Variants in DMTN observed in about 807,000 individuals in gnomAD.
The protein encoded by DMTN is dematin.
In DMTN, 27 loss-of-function variants were observed where a neutral mutation model predicts 59.4. The ratio of observed to expected loss-of-function variants is 0.45; its 90% confidence interval spans 0.33 to 0.63. The LOEUF (loss-of-function observed/expected upper bound fraction) is 0.63, where lower values mean the gene tolerates loss of function less well. Among genes scored for constraint, DMTN ranks in the 20% least tolerant of loss-of-function variants. The pLI, the probability that DMTN is intolerant of heterozygous loss-of-function variation, is 0.02. For missense variants in DMTN, 451 were observed against 528.9 expected (o/e 0.85, Z 1.45); for synonymous variants, 221 against 203.7 (o/e 1.08, Z -0.72).
In DMTN at chr8:22,058,592, C is replaced by T. The variant is rs886271215; in HGVS notation, c.-172+1456C>T. Among the ~76,000 whole-genome samples the T allele has an allele frequency of 1.3e-5, 2 of 152,110 alleles. No individual in the cohort carries two copies. Among genetic ancestry groups the T allele is most frequent in the African/African-American group, 4.8e-5 (2 of 41,394 alleles). The stretch of plus-strand genomic sequence containing the variant: ...AGAGAGGCAGGAGGGGGCACCTGGG[C>T]CCGGTTTTGTTGTTATTGAGAGAAC... On this transcript the variant is annotated intron_variant, in intron 1 of 15. Coordinates refer to ENST00000358242, the MANE Select transcript of DMTN (RefSeq NM_001387751.1). The surrounding 1 kb of genome is among the most constrained non-coding windows in gnomAD (Gnocchi z 4.3).
chr8:22,067,120 C>A lies in DMTN; in HGVS notation c.54C>A (p.Ser18=). ...CCTCCCCCGGGAGCGTGAGCCCCTC[C>A]CGAGATTCCAGTGTGCCTGGCTCTC... The part of the protein sequence containing the change: ...PLTSPGSVSP[S]RDSSVPGSPS... Residue 18 remains serine, a synonymous_variant, in exon 3 of 16, where the codon TCC becomes TCA. Coordinates refer to ENST00000358242, the MANE Select transcript of DMTN (RefSeq NM_001387751.1). 7 of 1,608,616 alleles carry A rather than the reference C, an allele frequency of 4.4e-6. No homozygotes were observed. Among genetic ancestry groups the A allele is most frequent in the Non-Finnish European group, 5.1e-6 (6 of 1,177,898 alleles).
intron 10 of DMTN, among the ~76,000 whole-genome samples, chr8:22,074,819 G>A (rs7003120): frequency 1 from 151,541 of 152,206 alleles, 75,440 homozygotes; most frequent in Middle Eastern, 1. Flanking sequence ...ACTACCCTGG[G>A]CTTCCTCAGA....
intron 8 of DMTN, 92 bp from the exon 9 acceptor site, chr8:22,072,234 A>C: frequency 7.0e-7 from 1 of 1,422,152 alleles, no homozygotes. Flanking sequence ...ATCAAGGTCC[A>C]GCCCAGAGCA....
At chr8:22,054,436 A>T (rs541687166), upstream of DMTN, among the ~76,000 whole-genome samples, 241 of 152,214 alleles carry the variant, frequency 1.6e-3, 1 homozygote, top group Middle Eastern at 0.01. Flanking sequence ...GCTCACAGAG[A>T]CGGCAGAGGT....
intron 8 of DMTN, among the ~76,000 whole-genome samples, chr8:22,071,485 C>A (rs1019440262): frequency 1.3e-5 from 2 of 151,946 alleles, no homozygotes; most frequent in African/African-American, 4.8e-5. Context: ...ACTTCTACCA[C>A]CTGAGTTCAA....
intron 1 of DMTN, among the ~76,000 whole-genome samples, chr8:22,062,781 A>ACTCT (rs1310847036): frequency 1.3e-5 from 2 of 149,010 alleles, no homozygotes; most frequent in Admixed American, 1.3e-4. Context: ...ATGATGTTCT[A>ACTCT]CTCTCTCAGC....
chr8:22,049,620 CAGTG>C (rs1243199238), upstream of DMTN, among the ~76,000 whole-genome samples: 10 of 149,754 alleles, frequency 6.7e-5, no homozygotes, highest in South Asian at 4.4e-4. Context: ...GGAACACCCT[CAGTG>C]AGCGCTCTCT....
intron 13 of DMTN, 61 bp downstream of exon 13, chr8:22,080,686 G>A: frequency 6.3e-7 from 1 of 1,586,556 alleles, no homozygotes; most frequent in Non-Finnish European, 8.6e-7. Flanking sequence ...GCACCCGAAA[G>A]TGTCAGGGGA....
chr8:22,053,585 C>T (rs1414727606), upstream of DMTN: 1 of 152,690 alleles, frequency 6.5e-6, no homozygotes, highest in African/African-American at 2.4e-5. Context: ...AGCCTATCGA[C>T]AGGGCCTGGG....
chr8:22,068,371 T>A (rs1812473732), intron 4 of DMTN, among the ~76,000 whole-genome samples: 1 of 151,938 alleles, frequency 6.6e-6, no homozygotes, highest in African/African-American at 2.4e-5. Context: ...AGGCCAGGAG[T>A]TTGAGACCAG....
rs1166593612 is a variant in DMTN, at chr8:22,058,085, G to A, written c.-172+949G>A. On this transcript the variant is annotated intron_variant, in intron 1 of 15. Coordinates refer to ENST00000358242, the MANE Select transcript of DMTN (RefSeq NM_001387751.1). This position sits in a 1 kb window ranked among gnomAD's most constrained non-coding sequence, Gnocchi z 4.3. ...GGCAGCACCATGTGTCACAGTGAGG[G>A]GGCCTCGATGGGAGAGTGGGGGCAT... 1.3e-5 allele frequency: 2 copies of A among 152,642 alleles called. No homozygotes were observed. Among genetic ancestry groups the A allele is most frequent in the Admixed American group, 1.3e-4 (2 of 15,310 alleles). 9.5% of individuals were successfully genotyped at this position (152,642 alleles called of 1,614,324 possible). A position where few individuals can be genotyped will look rare whatever the true frequency, so the allele number is the denominator to read the frequency against.
At chr8:22,049,581 C>T (rs1801130442), upstream of DMTN, among the ~76,000 whole-genome samples, 1 of 122,034 alleles carries the variant, frequency 8.2e-6, no homozygotes, top group Non-Finnish European at 1.9e-5. Context: ...CCCCCCCCCC[C>T]GCCACCCCAC....
At chr8:22,052,629 T>C (rs1466208857), upstream of DMTN, among the ~76,000 whole-genome samples, 2 of 152,166 alleles carry the variant, frequency 1.3e-5, no homozygotes, top group African/African-American at 4.8e-5. Flanking sequence ...ATTTGTTCTT[T>C]GGTGGGACTT....
chr8:22,069,737 G>T, intron 6 of DMTN, 144 bp from the exon 7 acceptor site: 1 of 1,041,476 alleles, frequency 9.6e-7, no homozygotes. Flanking sequence ...CTGAGGGGCA[G>T]TGCCAGGAAT....
At chr8:22,063,892 C>G (rs917343341) in intron 1 of DMTN, among the ~76,000 whole-genome samples, 5 of 152,244 alleles carry the variant, frequency 3.3e-5, no homozygotes, top group Non-Finnish European at 7.3e-5. Context: ...TCTGGAGGAG[C>G]AGCTTAGCTC....
Position 22,072,390 on chromosome 8 carries a change from TGAC to T in DMTN, c.673_675del (p.Asp225del), listed in dbSNP as rs1816245810. ...CAGAGGAAGAGGAGGAGGAGGAAGA[TGAC>T]GACTCTGGAGAGGAGATGAAGGCTC... is the stretch of plus-strand genomic sequence containing the variant. On this transcript the variant is annotated inframe_deletion, in exon 9 of 16. Coordinates refer to ENST00000358242, the MANE Select transcript of DMTN (RefSeq NM_001387751.1). 6.2e-7 allele frequency: 1 copy of T among 1,600,296 alleles called. No homozygotes were observed. The highest frequency in any genetic ancestry group is 8.5e-7 in the Non-Finnish European group (1 of 1,172,836).
At chr8:22,070,043 C>T (rs1814078777) in intron 7 of DMTN, 106 bp downstream of exon 7, 2 of 1,560,338 alleles carry the variant, frequency 1.3e-6, no homozygotes, top group Admixed American at 1.7e-5. Context: ...TAGCATGTCA[C>T]AGCAGCACGT....
rs1749231786 is a variant in DMTN at position 22,070,006 on chromosome 8, C to T, written c.451+69C>T. On this transcript the variant is annotated intron_variant, in intron 7 of 15. Coordinates refer to ENST00000358242, the MANE Select transcript of DMTN (RefSeq NM_001387751.1). ...GCTGGGAGGCCGTGCCCTGGGGCTGCGGGCTGGCTGGAGGGGGTCGGGAGG... is the reference window on the plus strand; with the variant it reads ...GCTGGGAGGCCGTGCCCTGGGGCTGTGGGCTGGCTGGAGGGGGTCGGGAGG... 9 of 1,597,796 alleles carry T rather than the reference C, an allele frequency of 5.6e-6. No individual in the cohort carries two copies. In the East Asian group the frequency reaches 6.7e-5, roughly 12 times the overall value.
intron 1 of DMTN, among the ~76,000 whole-genome samples, chr8:22,062,088 C>G (rs1806962977): frequency 6.6e-6 from 1 of 151,836 alleles, no homozygotes. Flanking sequence ...AAAATGGAAG[C>G]CCTGTATGGT....
Sources: allele counts gnomAD v4.1 joint callset (sites outside exome capture counted in the v4.1 genomes callset), GRCh38; gene constraint gnomAD v4.1.1; non-coding constraint Gnocchi (gnomAD v3.1); transcripts MANE v1.5; gene names NCBI Gene and HGNC (gene_info 2026-07-23, HGNC 2026-07-21).